The following IL16 variants were observed in gnomAD, a reference collection of about 807,000 sequenced individuals.
The protein encoded by IL16 is interleukin 16.
Under a neutral mutation model 110.1 loss-of-function variants are expected in IL16, and 67 were observed. The observed-to-expected ratio is 0.61, with a 90% CI of 0.50 to 0.75. The LOEUF is 0.75. Among genes scored for constraint, IL16 ranks in the 30% least tolerant of loss-of-function variants. IL16 has a pLI of 0.00. For missense variants in IL16, 1,545 were observed against 1,655.0 expected (o/e 0.93, Z 1.15); for synonymous variants, 689 against 662.9 (o/e 1.04, Z -0.61).
chr15:81,301,416 C>T lies in IL16; in HGVS notation c.3222C>T (p.Ser1074=), dbSNP rs112910065. The change falls in exon 15 of 19, where the codon TCC becomes TCT. Residue 1074 remains serine (S), a synonymous_variant. Transcript: ENST00000683961. ...AAGACGATGATGGGGACCACAGTTC[C>T]CTTCAGTCTGGTCAGTCCGTTATCT... is the stretch of plus-strand genomic sequence containing the variant. ...AKEDDDGDHS[S]LQSGQSVISL... is the part of the protein sequence containing the mutation. The T allele has an allele frequency of 2.1e-3, 3,426 of 1,613,964 alleles. 14 individuals are homozygous for T. Among genetic ancestry groups the T allele is most frequent in the Middle Eastern group, 0.014 (86 of 6,060 alleles).
In IL16 at chr15:81,300,099, C is replaced by A. The variant is rs762035180; in HGVS notation, c.2773C>A (p.Pro925Thr). 1.9e-6 allele frequency: 3 copies of A among 1,584,064 alleles called. No individual in the cohort carries two copies. The highest frequency in any genetic ancestry group is 2.6e-6 in the Non-Finnish European group (3 of 1,165,712). Residue 925 changes from proline to threonine, a missense_variant, in exon 14 of 19, where the codon CCA becomes ACA. By Grantham distance (38) the Pro-to-Thr change is conservative. Transcript: ENST00000683961. ...RDPGVSESPP[P>T]GRQPNQKTLP... ...CCCAGGTGTGTCTGAGTCCCCTCCCCCAGGGCGGCAGCCCAATCAGAAAAC... is the reference window on the plus strand; with the variant it reads ...CCCAGGTGTGTCTGAGTCCCCTCCCACAGGGCGGCAGCCCAATCAGAAAAC...
At position 81,182,831 on chromosome 15, in the gene IL16, T is replaced by G. The variant is rs745400101; in HGVS notation, c.-26T>G. ...GGTTTGGAGGAACTTTTCACAGCTCTCTCTCCCTCCCTCAAACCCTGTGCA... is the reference window on the plus strand; with the variant it reads ...GGTTTGGAGGAACTTTTCACAGCTCGCTCTCCCTCCCTCAAACCCTGTGCA... On this transcript the variant is annotated 5_prime_UTR_variant, in exon 1 of 19. Coordinates refer to the IL16 transcript ENST00000302987. 1.3e-5 allele frequency: 17 copies of G among 1,287,836 alleles called. No individual in the cohort carries two copies. In the Admixed American group the frequency reaches 2.5e-4, roughly 19 times the overall value. 79.8% of individuals were successfully genotyped at this position (1,287,836 alleles called of 1,614,324 possible). A position where few individuals can be genotyped will look rare whatever the true frequency, so the allele number is the denominator to read the frequency against.
intron 1 of IL16, among the ~76,000 whole-genome samples, chr15:81,221,025 G>A (rs1896597557): frequency 6.6e-6 from 1 of 151,708 alleles, no homozygotes; most frequent in South Asian, 2.1e-4. Flanking sequence ...TGATGAGTCA[G>A]TCCTGCCCCA....
Position 81,278,799 on chromosome 15 carries a change from CT to C in IL16, c.791-15del, listed in dbSNP as rs746672719. On this transcript the variant is annotated splice_polypyrimidine_tract_variant and intron_variant, in intron 6 of 18. Coordinates refer to ENST00000683961, the MANE Select transcript of IL16 (RefSeq NM_172217.5). ...TTGGGCAACACTCTTCTTAGCTACA[CT>C]TTCTCTCTCTAAACAGGTGATGAAA... is the stretch of plus-strand genomic sequence containing the variant. The C allele has an allele frequency of 1.9e-5, 30 of 1,565,562 alleles. No homozygotes were observed. Among genetic ancestry groups the C allele is most frequent in the Non-Finnish European group, 2.6e-5 (29 of 1,136,062 alleles).
Position 81,303,709 on chromosome 15 carries a change from GACAC to G in IL16, c.3420+62_3420+65del. 3.5e-6 allele frequency: 4 copies of G among 1,153,086 alleles called. No homozygotes were observed. Among genetic ancestry groups the G allele is most frequent in the Non-Finnish European group, 3.9e-6 (3 of 762,902 alleles). 71.4% of individuals were successfully genotyped at this position (1,153,086 alleles called of 1,614,324 possible). On this transcript the variant is annotated intron_variant, in intron 16 of 18. Transcript: ENST00000683961. The surrounding 1 kb of genome is among the most constrained non-coding windows in gnomAD (Gnocchi z 4.1). ...AGAGGCAATGGTTCTGGGGGAGGGG[GACAC>G]ACTTGCCAGGAAGGGGCCCTGTGCT...
At chr15:81,283,257 AG>A (rs1338012347) in intron 9 of IL16, among the ~76,000 whole-genome samples, 3 of 152,050 alleles carry the variant, frequency 2.0e-5, no homozygotes, top group African/African-American at 4.8e-5. Context: ...GAGAAGCTGG[AG>A]GGGATGTCTG....
chr15:81,241,879 A>T (rs1271829653), intron 2 of IL16, among the ~76,000 whole-genome samples: 1 of 151,866 alleles, frequency 6.6e-6, no homozygotes, highest in Non-Finnish European at 1.5e-5. Context: ...TTTTTTCTAG[A>T]AGTTTCATAG....
At chr15:81,264,149 C>G (rs1366767503) in intron 3 of IL16, among the ~76,000 whole-genome samples, 3 of 152,130 alleles carry the variant, frequency 2.0e-5, no homozygotes. Context: ...CCTCTCACCC[C>G]CCTTTCTTGA....
chr15:81,294,791 A>G lies in IL16; in HGVS notation c.1902+1754A>G, dbSNP rs77786129. On this transcript the variant is annotated intron_variant, in intron 12 of 18. Coordinates refer to ENST00000683961, the MANE Select transcript of IL16 (RefSeq NM_172217.5). Reference sequence around the variant, plus strand: ...GCGGGGGTCACAGAGAAAGGATCATAGCACGCAATAGAAAACAGGAAGCAA... The same window carrying G: ...GCGGGGGTCACAGAGAAAGGATCATGGCACGCAATAGAAAACAGGAAGCAA... Among the ~76,000 whole-genome samples the G allele has an allele frequency of 7.1e-3, 1,074 of 152,238 alleles. 10 individuals are homozygous for G. Among genetic ancestry groups the G allele is most frequent in the African/African-American group, 0.024 (1,008 of 41,482 alleles).
At chr15:81,267,297 A>C (rs1358563527) in intron 4 of IL16, among the ~76,000 whole-genome samples, 2 of 152,140 alleles carry the variant, frequency 1.3e-5, no homozygotes, top group Non-Finnish European at 2.9e-5. Context: ...GTTACATTCC[A>C]CCAGGAAGGA....
chr15:81,273,485 G>A (rs1050541316), intron 6 of IL16, among the ~76,000 whole-genome samples: 7 of 151,968 alleles, frequency 4.6e-5, no homozygotes, highest in African/African-American at 1.7e-4. Flanking sequence ...AAGTCTGAGG[G>A]GTCTGTTTCT....
intron 9 of IL16, among the ~76,000 whole-genome samples, chr15:81,284,843 T>C (rs1007052947): frequency 6.6e-6 from 1 of 152,242 alleles, no homozygotes; most frequent in Non-Finnish European, 1.5e-5. Context: ...GCCACAGCTG[T>C]CATGCTATTA....
At chr15:81,258,732 T>G (rs995430751) in intron 2 of IL16, among the ~76,000 whole-genome samples, 1 of 140,036 alleles carries the variant, frequency 7.1e-6, no homozygotes, top group Non-Finnish European at 1.5e-5. Context: ...GCGCACGCGC[T>G]CTCTCTCTCT....
At chr15:81,239,185 A>G (rs1223272526) in intron 2 of IL16, among the ~76,000 whole-genome samples, 4 of 152,044 alleles carry the variant, frequency 2.6e-5, no homozygotes, top group East Asian at 1.9e-4. Context: ...AAGTGACTCA[A>G]TTGTATCTTG....
At chr15:81,243,146 T>TAC (rs1897396445) in intron 2 of IL16, among the ~76,000 whole-genome samples, 3 of 39,176 alleles carry the variant, frequency 7.7e-5, no homozygotes, top group African/African-American at 2.8e-4. Flanking sequence ...TATATAAGTA[T>TAC]ATATATATAT....
intron 2 of IL16, among the ~76,000 whole-genome samples, chr15:81,237,232 C>A (rs929958435): frequency 5.3e-5 from 8 of 152,170 alleles, no homozygotes; most frequent in Non-Finnish European, 1.0e-4. Flanking sequence ...TGATCCTCCT[C>A]TTATCCTGCA....
intron 1 of IL16, among the ~76,000 whole-genome samples, chr15:81,201,706 T>C (rs892811995): frequency 1.3e-5 from 2 of 152,240 alleles, no homozygotes; most frequent in African/African-American, 4.8e-5. Flanking sequence ...AATTTTGTGT[T>C]TGGTAAAAAT....
chr15:81,218,655 A>G (rs1356543105), intron 1 of IL16, among the ~76,000 whole-genome samples: 1 of 152,214 alleles, frequency 6.6e-6, no homozygotes, highest in Non-Finnish European at 1.5e-5. Context: ...ATCATCCCCC[A>G]GCACCTTGCT....
Position 81,198,480 on chromosome 15 carries a change from A to T in IL16, c.-102+1328A>T, listed in dbSNP as rs1895680146. 3.9e-5 allele frequency among the ~76,000 whole-genome samples: 6 copies of T among 152,296 alleles called. No individual in the cohort carries two copies. The South Asian group carries it at 1.2e-3, about 32-fold the overall frequency. On this transcript the variant is annotated intron_variant, in intron 1 of 18. Transcript: ENST00000683961. The stretch of plus-strand genomic sequence containing the variant: ...AGATGGTCATATATCCATAGGGTTA[A>T]AAAATAATCTCTGTTGGATGCAATT...
Sources: allele counts gnomAD v4.1 joint callset (sites outside exome capture counted in the v4.1 genomes callset), GRCh38; gene constraint gnomAD v4.1.1; non-coding constraint Gnocchi (gnomAD v3.1); transcripts MANE v1.5; gene names NCBI Gene and HGNC (gene_info 2026-07-23, HGNC 2026-07-21).